The following CCDC191 variants were observed in gnomAD, a reference collection of about 807,000 sequenced individuals.
The protein encoded by CCDC191 is coiled-coil domain containing 191.
CCDC191 carries 99 observed loss-of-function variants against 114.0 expected under a neutral mutation model. The ratio of observed to expected loss-of-function variants is 0.87; its 90% confidence interval spans 0.74 to 1.03. The LOEUF (loss-of-function observed/expected upper bound fraction) is 1.03. Among genes scored for constraint, CCDC191 ranks in the 50% least tolerant of loss-of-function variants. The probability of loss-of-function intolerance (pLI) is 0.00; values close to 1 mark genes in which losing one functional copy is unlikely to be tolerated. For synonymous variants in CCDC191, 351 were observed against 376.0 expected (o/e 0.93, Z 0.77); for missense variants, 973 against 1,087.0 (o/e 0.90, Z 1.47).
At chr3:113,965,507 G>A (rs1296941797) in intron 16 of CCDC191, 148 bp from the exon 17 acceptor site, 2 of 422,482 alleles carry the variant, frequency 4.7e-6, no homozygotes, top group Non-Finnish European at 8.2e-6. Flanking sequence ...TTATGACAGT[G>A]TGAAATGCTG....
In CCDC191 at chr3:114,031,684, T is replaced by G. The variant is rs2076406470; in HGVS notation, c.914A>C (p.Lys305Thr). The change falls in exon 7 of 17, where the codon AAG becomes ACG. Residue 305 changes from lysine to threonine, a missense_variant. Transcript: ENST00000295878. ...TTCTTTCAATTTCCTTTTTCTTTCC[T>G]TCACCATTTTTTCCTCATCTGGAAG... ...HILPDEEKMV[K>T]ERKRKLKEVL... 2 of 1,603,352 alleles carry G rather than the reference T, an allele frequency of 1.2e-6. No individual in the cohort carries two copies. Among genetic ancestry groups the G allele is most frequent in the East Asian group, 2.2e-5 (1 of 44,786 alleles).
chr3:114,001,552 C>T, intron 13 of CCDC191, 43 bp downstream of exon 13: 1 of 1,608,804 alleles, frequency 6.2e-7, no homozygotes. Context: ...TCACACACAG[C>T]AAACCTCAAG....
intron 16 of CCDC191, among the ~76,000 whole-genome samples, chr3:113,971,117 T>A (rs1420770033): frequency 6.6e-6 from 1 of 152,202 alleles, no homozygotes; most frequent in African/African-American, 2.4e-5. Flanking sequence ...TATTTCTAGT[T>A]CTAGATCCCT....
chr3:114,007,735 T>C (rs1371915631), intron 9 of CCDC191, among the ~76,000 whole-genome samples: 2 of 152,122 alleles, frequency 1.3e-5, no homozygotes, highest in East Asian at 1.9e-4. Flanking sequence ...GAAAATCACC[T>C]ATTAGCTAAC....
chr3:114,016,092 ACGT>A (rs1333981301), intron 8 of CCDC191, among the ~76,000 whole-genome samples: 1 of 152,264 alleles, frequency 6.6e-6, no homozygotes, highest in Non-Finnish European at 1.5e-5. Flanking sequence ...GCAAACACAC[ACGT>A]CAGCGAGGGG....
chr3:114,046,045 T>C (rs933387449), intron 3 of CCDC191, among the ~76,000 whole-genome samples: 2 of 152,210 alleles, frequency 1.3e-5, no homozygotes, highest in Non-Finnish European at 2.9e-5. Flanking sequence ...GGAAGTTGGC[T>C]TGTAGGACAT....
At chr3:113,981,483 A>G (rs1391315161) in intron 13 of CCDC191, among the ~76,000 whole-genome samples, 3 of 152,176 alleles carry the variant, frequency 2.0e-5, no homozygotes, top group Admixed American at 1.3e-4. Context: ...TGTAAAGGTG[A>G]GAGAAAAAGA....
intron 11 of CCDC191, chr3:114,004,196 G>T (rs1387708044): frequency 2.1e-6 from 2 of 969,614 alleles, no homozygotes; most frequent in East Asian, 1.1e-4. Flanking sequence ...CTATCAACAA[G>T]TTATAATATT....
intron 9 of CCDC191, among the ~76,000 whole-genome samples, chr3:114,010,383 TTTC>T (rs2107679723): frequency 6.6e-6 from 1 of 152,300 alleles, no homozygotes; most frequent in South Asian, 2.1e-4. Flanking sequence ...ACATATGACT[TTTC>T]TTATTAGAAA....
At chr3:114,045,333 T>C (rs1374832021) in intron 3 of CCDC191, among the ~76,000 whole-genome samples, 1 of 152,062 alleles carries the variant, frequency 6.6e-6, no homozygotes, top group East Asian at 1.9e-4. Context: ...CTTTTCTCTC[T>C]TTTTCTCCCC....
chr3:114,011,405 G>A (rs548279718), intron 8 of CCDC191, among the ~76,000 whole-genome samples: 1 of 152,118 alleles, frequency 6.6e-6, no homozygotes, highest in Admixed American at 6.5e-5. Context: ...AGCTATGCAC[G>A]AAAATTTTAA....
chr3:114,000,711 C>T (rs538757080), intron 13 of CCDC191, among the ~76,000 whole-genome samples: 2 of 152,022 alleles, frequency 1.3e-5, no homozygotes, highest in Non-Finnish European at 2.9e-5. Context: ...AGCTCAGTGG[C>T]ACAATGACAG....
chr3:114,051,276 C>T (rs977537552), intron 2 of CCDC191, among the ~76,000 whole-genome samples: 2 of 152,160 alleles, frequency 1.3e-5, no homozygotes, highest in African/African-American at 4.8e-5. Flanking sequence ...TGTACACCTC[C>T]CTCTTCTAAC....
intron 8 of CCDC191, among the ~76,000 whole-genome samples, chr3:114,017,923 G>A (rs2076186075): frequency 1.3e-5 from 2 of 152,158 alleles, no homozygotes; most frequent in Admixed American, 1.3e-4. Context: ...ATTCAAGAAT[G>A]CAAACTTGAA....
At chr3:114,037,924 T>G (rs556376011) in intron 4 of CCDC191, among the ~76,000 whole-genome samples, 1 of 152,342 alleles carries the variant, frequency 6.6e-6, no homozygotes, top group South Asian at 2.1e-4. Flanking sequence ...AGTCCAGAAA[T>G]GCAGAACCCA....
At chr3:114,018,646 A>G (rs779180180) in intron 8 of CCDC191, 32 bp downstream of exon 8, 10 of 1,545,756 alleles carry the variant, frequency 6.5e-6, no homozygotes, top group Non-Finnish European at 8.0e-6. Flanking sequence ...CTAGATAAAC[A>G]TACTAGATTT....
At chr3:114,026,525 A>G (rs1042815024) in intron 7 of CCDC191, among the ~76,000 whole-genome samples, 9 of 152,190 alleles carry the variant, frequency 5.9e-5, no homozygotes, top group African/African-American at 2.2e-4. Flanking sequence ...CTCCCCTAAC[A>G]TAAGAAAACA....
rs961914313 is a variant in CCDC191, at chr3:114,003,764, A to G, written c.1978+873T>C. 14 of 985,320 alleles carry G rather than the reference A, an allele frequency of 1.4e-5. No individual in the cohort carries two copies. In the African/African-American group the frequency reaches 1.7e-4, roughly 12 times the overall value. The allele number at this position is 985,320 out of a possible 1,614,324, so 61.0% of individuals were successfully genotyped here. On this transcript the variant is annotated intron_variant, in intron 11 of 16. Transcript: ENST00000295878. Reference sequence around the variant, plus strand: ...TCATTAATAGGAATTGACTGCAGGCACAGTGTCTTTCATTTGTAATTACTT... The same window carrying G: ...TCATTAATAGGAATTGACTGCAGGCGCAGTGTCTTTCATTTGTAATTACTT...
intron 7 of CCDC191, among the ~76,000 whole-genome samples, chr3:114,031,154 T>C (rs1435804621): frequency 2.0e-5 from 3 of 152,118 alleles, no homozygotes; most frequent in Non-Finnish European, 4.4e-5. Flanking sequence ...TATAGACCAT[T>C]AAAAAGAAAA....
Sources: gnomAD v4.1 joint callset for allele counts (sites outside exome capture counted in the v4.1 genomes callset) on GRCh38, gnomAD v4.1.1 for gene constraint, MANE v1.5 for transcripts, NCBI Gene and HGNC (gene_info 2026-07-23, HGNC 2026-07-21) for gene names.